The following PAPPA variants were observed in gnomAD, a reference collection of about 807,000 sequenced individuals.
The protein encoded by PAPPA is pappalysin-1.
PAPPA carries 60 observed loss-of-function variants against 164.0 expected under a neutral mutation model. That is an observed-to-expected ratio of 0.37 (90% CI 0.30 to 0.45). PAPPA has a LOEUF of 0.45. PAPPA is among the 20% of genes least tolerant of loss of function. The probability of loss-of-function intolerance (pLI) is 1.00; values close to 1 mark genes in which losing one functional copy is unlikely to be tolerated. For synonymous variants in PAPPA, 875 were observed against 814.1 expected (o/e 1.07, Z -1.27); for missense variants, 1,782 against 2,087.3 (o/e 0.85, Z 2.85).
intron 6 of PAPPA, among the ~76,000 whole-genome samples, chr9:116,230,233 C>A (rs1379713287): frequency 2.0e-5 from 3 of 152,150 alleles, no homozygotes; most frequent in Admixed American, 6.5e-5. Flanking sequence ...TGGCTCAGAC[C>A]CTTTTAATAT....
intron 2 of PAPPA, among the ~76,000 whole-genome samples, chr9:116,207,216 C>T (rs549667753): frequency 3.0e-4 from 46 of 152,206 alleles, no homozygotes; most frequent in Admixed American, 2.9e-3. Flanking sequence ...TACTACCTAC[C>T]TCTGTGTTCA....
rs569599 is a variant in PAPPA, at chr9:116,231,766, C to T, written c.2234-3373C>T. On this transcript the variant is annotated intron_variant, in intron 6 of 21. Coordinates refer to ENST00000328252, the MANE Select transcript of PAPPA (RefSeq NM_002581.5). ...GTGGTTTTTCTTTTCTTTTCTTTTT[C>T]TTTTTTTTTTTTGAGATGGAGTTTC... is the stretch of plus-strand genomic sequence containing the variant. 4.2e-3 allele frequency among the ~76,000 whole-genome samples: 243 copies of T among 57,518 alleles called. 26 individuals are homozygous for T. The highest frequency in any genetic ancestry group is 9.0e-3 in the African/African-American group (134 of 14,888). The allele number at this position is 57,518 out of a possible 152,430, so 37.7% of individuals were successfully genotyped here.
chr9:116,326,178 G>C (rs1845918531), intron 10 of PAPPA, among the ~76,000 whole-genome samples: 1 of 152,150 alleles, frequency 6.6e-6, no homozygotes, highest in Non-Finnish European at 1.5e-5. Flanking sequence ...CAACCTGAGA[G>C]GACCTAAGTG....
intron 1 of PAPPA, among the ~76,000 whole-genome samples, chr9:116,173,123 T>A (rs934678709): frequency 6.6e-6 from 1 of 152,178 alleles, no homozygotes; most frequent in Non-Finnish European, 1.5e-5. Flanking sequence ...AAGGCTGAAC[T>A]AATCATCCTC....
At chr9:116,199,607 G>A (rs941440399) in intron 2 of PAPPA, among the ~76,000 whole-genome samples, 1 of 152,064 alleles carries the variant, frequency 6.6e-6, no homozygotes, top group Admixed American at 6.5e-5. Flanking sequence ...ATCTGCCAGG[G>A]TCTGCTTGGG....
rs778290995 is a variant in PAPPA at position 116,271,289 on chromosome 9, A to G, written c.2862-36A>G. 7 of 1,517,120 alleles carry G rather than the reference A, an allele frequency of 4.6e-6. No homozygotes were observed. Among genetic ancestry groups the G allele is most frequent in the Non-Finnish European group, 6.4e-6 (7 of 1,091,852 alleles). The allele number at this position is 1,517,120 out of a possible 1,614,324, so 94.0% of individuals were successfully genotyped here. On this transcript the variant is annotated intron_variant, in intron 8 of 21. Transcript: ENST00000328252. The surrounding 1 kb of genome is among the most constrained non-coding windows in gnomAD (Gnocchi z 4.2). The stretch of plus-strand genomic sequence containing the variant: ...CATGTCCAGCCATGGTTTTAAGACT[A>G]AATTGGCAAATTTCTCTTCCATATC...
intron 10 of PAPPA, among the ~76,000 whole-genome samples, chr9:116,309,581 G>T (rs1845690413): frequency 6.6e-6 from 1 of 152,146 alleles, no homozygotes; most frequent in African/African-American, 2.4e-5. Flanking sequence ...GGAGGTCAGG[G>T]AGAAGTGATT....
chr9:116,353,702 C>T lies in PAPPA; in HGVS notation c.4256C>T (p.Pro1419Leu), dbSNP rs1846314342. Residue 1419 changes from proline to leucine, a missense_variant, in exon 17 of 22, where the codon CCA becomes CTA. Physicochemically the swap from Pro to Leu is moderately conservative, Grantham distance 98. Coordinates refer to ENST00000328252, the MANE Select transcript of PAPPA (RefSeq NM_002581.5). Reference sequence around the variant, plus strand: ...GTTCCTGTGACCTGTGACCCACCTCCACCAAAATTCCATGGGCTCTACCAG... The same window carrying T: ...GTTCCTGTGACCTGTGACCCACCTCTACCAAAATTCCATGGGCTCTACCAG... The part of the protein sequence containing the change: ...ACVPVTCDPP[P>L]PKFHGLYQCT... 3 of 1,614,074 alleles carry T rather than the reference C, an allele frequency of 1.9e-6. No individual in the cohort carries two copies. Among genetic ancestry groups the T allele is most frequent in the Non-Finnish European group, 2.5e-6 (3 of 1,179,968 alleles).
chr9:116,292,668 G>A (rs77200584), intron 9 of PAPPA, among the ~76,000 whole-genome samples: 3 of 152,166 alleles, frequency 2.0e-5, no homozygotes, highest in African/African-American at 7.2e-5. Flanking sequence ...TAAATAGGCA[G>A]ATATTTAGTA....
At position 116,399,008 on chromosome 9, in the gene PAPPA, T is replaced by C. The variant is rs1847008326; in HGVS notation, c.*2392T>C. The C allele has an allele frequency of 4.5e-6, 1 of 223,754 alleles. No individual in the cohort carries two copies. Among genetic ancestry groups the C allele is most frequent in the African/African-American group, 2.3e-5 (1 of 42,770 alleles). The allele number at this position is 223,754 out of a possible 1,614,324, so 13.9% of individuals were successfully genotyped here. ...AATGTAACAGTATCAACCCTCCCAG[T>C]TGCTTAATTATACCCATAGGTAATA... is the stretch of plus-strand genomic sequence containing the variant. On this transcript the variant is annotated 3_prime_UTR_variant, in exon 22 of 22. Coordinates refer to ENST00000328252, the MANE Select transcript of PAPPA (RefSeq NM_002581.5).
intron 7 of PAPPA, among the ~76,000 whole-genome samples, chr9:116,239,132 A>C (rs1020868049): frequency 1.3e-5 from 2 of 152,092 alleles, no homozygotes; most frequent in African/African-American, 4.8e-5. Flanking sequence ...TGTTATCTAC[A>C]CTGGAGATAG....
At chr9:116,269,825 C>T (rs148689609) in intron 8 of PAPPA, among the ~76,000 whole-genome samples, 7 of 152,252 alleles carry the variant, frequency 4.6e-5, no homozygotes, top group Admixed American at 6.5e-5. Flanking sequence ...ACAAGGTCAT[C>T]GGCAATTTCC....
At position 116,322,335 on chromosome 9, in the gene PAPPA, G is replaced by C. The variant is rs564973814; in HGVS notation, c.3148-8909G>C. The stretch of plus-strand genomic sequence containing the variant: ...GGAGGCAGGAGAACCGCTTGAACCT[G>C]GTAGGCAGAGGTTGCAGTGAGCTGA... On this transcript the variant is annotated intron_variant, in intron 10 of 21. Coordinates refer to ENST00000328252, the MANE Select transcript of PAPPA (RefSeq NM_002581.5). 1.2e-4 allele frequency among the ~76,000 whole-genome samples: 18 copies of C among 151,260 alleles called. No homozygotes were observed. In the East Asian group the frequency reaches 3.3e-3, roughly 28 times the overall value.
chr9:116,376,001 TA>T (rs1455166150), intron 19 of PAPPA, among the ~76,000 whole-genome samples: 2 of 149,050 alleles, frequency 1.3e-5, no homozygotes, highest in African/African-American at 4.9e-5. Flanking sequence ...CCATGGAGAA[TA>T]GAAAAGGGAA....
chr9:116,332,461 C>A lies in PAPPA; in HGVS notation c.3390C>A (p.His1130Gln). ...TGCTTGATACCAAAGATCAGAGCCA[C>A]GATCTAGGTAAGCATGCTCTCTTGG... is the stretch of plus-strand genomic sequence containing the variant. ...VQLLDTKDQSHDLGLHVLSCR... is the reference protein window; with the variant it reads ...VQLLDTKDQSQDLGLHVLSCR... Residue 1130 changes from histidine (H) to glutamine (Q), a missense_variant, in exon 12 of 22, where the codon CAC becomes CAA. Transcript: ENST00000328252. 1 of 1,612,698 alleles carries A rather than the reference C, an allele frequency of 6.2e-7. No homozygotes were observed. Among genetic ancestry groups the A allele is most frequent in the South Asian group, 1.1e-5 (1 of 90,964 alleles).
chr9:116,203,370 C>T (rs1844193437), intron 2 of PAPPA, among the ~76,000 whole-genome samples: 1 of 152,250 alleles, frequency 6.6e-6, no homozygotes, highest in Non-Finnish European at 1.5e-5. Flanking sequence ...AGCTGCCCAT[C>T]GGTGGTGGTT....
chr9:116,290,007 G>A (rs1845416851), intron 9 of PAPPA, among the ~76,000 whole-genome samples: 2 of 152,198 alleles, frequency 1.3e-5, no homozygotes, highest in South Asian at 2.1e-4. Flanking sequence ...TTGGGGAGAT[G>A]AGGTCTGGAT....
rs566753030 is a variant in PAPPA at position 116,346,250 on chromosome 9, G to A, written c.3781-776G>A. Among the ~76,000 whole-genome samples, 9 of 152,280 alleles carry A rather than the reference G, an allele frequency of 5.9e-5. No homozygotes were observed. In the South Asian group the frequency reaches 1.0e-3, roughly 18 times the overall value. On this transcript the variant is annotated intron_variant, in intron 14 of 21. Coordinates refer to ENST00000328252, the MANE Select transcript of PAPPA (RefSeq NM_002581.5). ...CAATGATTGTCCATCCCTTGACTCCGTAGCATGGTCTTGCCCTCCACCCAG... is the reference window on the plus strand; with the variant it reads ...CAATGATTGTCCATCCCTTGACTCCATAGCATGGTCTTGCCCTCCACCCAG...
rs1160317598 is a variant in PAPPA at position 116,271,090 on chromosome 9, A to C, written c.2862-235A>C. On this transcript the variant is annotated intron_variant, in intron 8 of 21. Transcript: ENST00000328252. The surrounding 1 kb of genome is among the most constrained non-coding windows in gnomAD (Gnocchi z 4.2). Reference sequence around the variant, plus strand: ...TTGAGATCTCAGAGAATGAGTTGGAATCAGGACTTCTACTTTGTCATCAGA... The same window carrying C: ...TTGAGATCTCAGAGAATGAGTTGGACTCAGGACTTCTACTTTGTCATCAGA... Among the ~76,000 whole-genome samples, 1 of 152,212 alleles carries C rather than the reference A, an allele frequency of 6.6e-6. No individual in the cohort carries two copies. Among genetic ancestry groups the C allele is most frequent in the Non-Finnish European group, 1.5e-5 (1 of 68,040 alleles).
Sources: allele counts gnomAD v4.1 joint callset (sites outside exome capture counted in the v4.1 genomes callset), GRCh38; gene constraint gnomAD v4.1.1; non-coding constraint Gnocchi (gnomAD v3.1); transcripts MANE v1.5; gene names NCBI Gene and HGNC (gene_info 2026-07-23, HGNC 2026-07-21).